The following KCNQ2 variants were observed in gnomAD, a reference collection of about 807,000 sequenced individuals.
The protein encoded by KCNQ2 is potassium voltage-gated channel subfamily Q member 2.
In KCNQ2, 14 loss-of-function variants were observed where a neutral mutation model predicts 84.8. The observed-to-expected ratio is 0.17, with a 90% CI of 0.11 to 0.26. The LOEUF is 0.26. Ranked by LOEUF, KCNQ2 falls within the 10% of genes least tolerant of loss-of-function variation. KCNQ2 has a pLI of 1.00. For synonymous variants in KCNQ2, 599 were observed against 554.1 expected (o/e 1.08, Z -1.14); for missense variants, 788 against 1,254.0 (o/e 0.63, Z 5.61).
Position 63,406,590 on chromosome 20 carries a change from C to T in KCNQ2, c.*54G>A. On this transcript the variant is annotated 3_prime_UTR_variant, in exon 17 of 17. Coordinates refer to ENST00000359125, the MANE Select transcript of KCNQ2 (RefSeq NM_172107.4). ...CCAGAGGGTTCCCGCCTCAAAACCT[C>T]GGAGGCACCGTGCTGAGGAGGGCCG... is the stretch of plus-strand genomic sequence containing the variant. The T allele has an allele frequency of 5.2e-6, 8 of 1,525,820 alleles. No individual in the cohort carries two copies. The highest frequency in any genetic ancestry group is 1.2e-5 in the South Asian group (1 of 80,422). The allele number at this position is 1,525,820 out of a possible 1,614,324, so 94.5% of individuals were successfully genotyped here.
Position 63,413,646 on chromosome 20 carries a change from C to T in KCNQ2, c.1632-65G>A, listed in dbSNP as rs535699299. 3.0e-4 allele frequency: 481 copies of T among 1,592,200 alleles called. 1 individual carries two copies. Among genetic ancestry groups the T allele is most frequent in the Non-Finnish European group, 3.9e-4 (455 of 1,162,636 alleles). ...GACCCCCGGCCACAGGCACCAGGAC[C>T]TTCCTAGCACCTCTGAGACCTCGGC... On this transcript the variant is annotated intron_variant, in intron 14 of 16. Coordinates refer to ENST00000359125, the MANE Select transcript of KCNQ2 (RefSeq NM_172107.4).
chr20:63,414,170 T>C lies in KCNQ2; in HGVS notation c.1549A>G (p.Ile517Val), dbSNP rs143844949. ...SEEASLPGED[I>V]VDDKSCPCEF... ...CAGGGGCAGCTCTTGTCATCCACAA[T>C]GTCCTCTCCGGGGAGGCTTGCTTCT... The change falls in exon 14 of 17, where the codon ATT becomes GTT. Residue 517 changes from isoleucine to valine, a missense_variant. This residue lies in a region of KCNQ2 where 202 missense variants were observed against 239.4 expected (regional missense o/e 0.84). Coordinates refer to ENST00000359125, the MANE Select transcript of KCNQ2 (RefSeq NM_172107.4). This position sits in a 1 kb window ranked among gnomAD's most constrained non-coding sequence, Gnocchi z 6.6. 4 of 1,613,398 alleles carry C rather than the reference T, an allele frequency of 2.5e-6. No homozygotes were observed. The East Asian group carries it at 8.9e-5, about 36-fold the overall frequency.
At chr20:63,433,251 GC>G (rs1369291689) in intron 8 of KCNQ2, among the ~76,000 whole-genome samples, 1 of 152,214 alleles carries the variant, frequency 6.6e-6, no homozygotes, top group African/African-American at 2.4e-5. Flanking sequence ...CTTCTCTGCT[GC>G]CCGAGGGGCT....
chr20:63,433,290 T>C (rs776242828), intron 8 of KCNQ2, among the ~76,000 whole-genome samples: 4 of 152,196 alleles, frequency 2.6e-5, no homozygotes, highest in Non-Finnish European at 5.9e-5. Flanking sequence ...CTCTGTCCTG[T>C]TGGGGAACAC....
At chr20:63,411,560 G>A (rs550953361) in intron 15 of KCNQ2, among the ~76,000 whole-genome samples, 1 of 152,236 alleles carries the variant, frequency 6.6e-6, no homozygotes, top group Admixed American at 6.5e-5. Flanking sequence ...GAGAGGAGCA[G>A]TGGGGCCCCT....
rs781344707 is a variant in KCNQ2 at position 63,414,059 on chromosome 20, C to T, written c.1631+29G>A. The T allele has an allele frequency of 3.8e-6, 6 of 1,563,202 alleles. No individual in the cohort carries two copies. In the Admixed American group the frequency reaches 1.0e-4, roughly 26 times the overall value. ...GAGCGGGAGGCCCCTCCTCACTCCC[C>T]CAGGCTCCCGGCTGGGCAGGGGCCT... On this transcript the variant is annotated intron_variant, in intron 14 of 16. Coordinates refer to ENST00000359125, the MANE Select transcript of KCNQ2 (RefSeq NM_172107.4). This position sits in a 1 kb window ranked among gnomAD's most constrained non-coding sequence, Gnocchi z 6.6.
intron 1 of KCNQ2, among the ~76,000 whole-genome samples, chr20:63,455,255 G>T (rs192470825): frequency 3.3e-4 from 51 of 152,328 alleles, no homozygotes; most frequent in Admixed American, 5.9e-4. Context: ...AACTTCCGGA[G>T]CTTCCCTGGC....
chr20:63,451,712 C>T (rs1394579053), intron 1 of KCNQ2, among the ~76,000 whole-genome samples: 2 of 151,972 alleles, frequency 1.3e-5, no homozygotes, highest in Non-Finnish European at 2.9e-5. Context: ...TGCCCGGACC[C>T]AGTCATCTCC....
intron 1 of KCNQ2, among the ~76,000 whole-genome samples, chr20:63,470,648 C>G (rs2082194143): frequency 6.6e-6 from 1 of 152,198 alleles, no homozygotes. Flanking sequence ...GGGGCGCTGG[C>G]CAGGCTGTCA....
intron 1 of KCNQ2, chr20:63,466,463 G>C (rs912001919): frequency 6.6e-6 from 1 of 152,276 alleles, no homozygotes; most frequent in Admixed American, 6.5e-5. Flanking sequence ...CGGAGGGGCA[G>C]AGCGACGCCG....
At chr20:63,443,412 CCATCACCACCATCAT>C in intron 4 of KCNQ2, among the ~76,000 whole-genome samples, 1 of 24,572 alleles carries the variant, frequency 4.1e-5, no homozygotes, top group Non-Finnish European at 1.1e-4. Context: ...ACCACCATCA[CCATCACCACCATCAT>C]CACCATCACC....
chr20:63,434,164 T>G, intron 7 of KCNQ2: 1 of 531,028 alleles, frequency 1.9e-6, no homozygotes, highest in Non-Finnish European at 3.3e-6. Flanking sequence ...CTCGGGGCCC[T>G]GAGCGAGCTC....
chr20:63,468,242 G>A (rs559605287), intron 1 of KCNQ2, among the ~76,000 whole-genome samples: 6 of 152,346 alleles, frequency 3.9e-5, no homozygotes, highest in African/African-American at 1.4e-4. Flanking sequence ...CTACACAGGA[G>A]GCTGTGGGAA....
intron 7 of KCNQ2, among the ~76,000 whole-genome samples, chr20:63,436,392 G>A (rs1317034829): frequency 6.6e-6 from 1 of 152,184 alleles, no homozygotes; most frequent in South Asian, 2.1e-4. Context: ...TTAGCCAGGC[G>A]TGGTGGTGGG....
intron 15 of KCNQ2, 128 bp downstream of exon 15, chr20:63,413,322 G>A (rs1340826781): frequency 2.9e-6 from 3 of 1,046,104 alleles, no homozygotes; most frequent in South Asian, 1.4e-5. Context: ...GCTGACAGAG[G>A]CCGACGTGGG....
intron 15 of KCNQ2, chr20:63,411,951 GC>G: frequency 1.4e-6 from 1 of 691,878 alleles, no homozygotes. Context: ...TGAGGAGCTG[GC>G]CAGGAACTGG....
At chr20:63,433,005 G>A (rs968161955) in intron 8 of KCNQ2, among the ~76,000 whole-genome samples, 3 of 152,208 alleles carry the variant, frequency 2.0e-5, no homozygotes, top group African/African-American at 7.2e-5. Flanking sequence ...GAGGGCGGGC[G>A]GGCAAGGTGG....
rs759258191 is a variant in KCNQ2, at chr20:63,406,951, G to A, written c.2312C>T (p.Thr771Ile). The part of the protein sequence containing the change: ...ASMEFLRQED[T>I]PGCRPPEGNL... Reference sequence around the variant, plus strand: ...CCCCTCGGGGGGCCTGCAGCCCGGGGTGTCCTCCTGCCGCAGGAACTCCAT... The same window carrying A: ...CCCCTCGGGGGGCCTGCAGCCCGGGATGTCCTCCTGCCGCAGGAACTCCAT... The change falls in exon 17 of 17, where the codon ACC becomes ATC. Residue 771 changes from threonine to isoleucine, a missense_variant. Coordinates refer to ENST00000359125, the MANE Select transcript of KCNQ2 (RefSeq NM_172107.4). 13 of 1,577,554 alleles carry A rather than the reference G, an allele frequency of 8.2e-6. No individual in the cohort carries two copies. The East Asian group carries it at 2.5e-4, about 31-fold the overall frequency.
intron 12 of KCNQ2, among the ~76,000 whole-genome samples, chr20:63,418,341 C>G (rs931666508): frequency 6.6e-6 from 1 of 152,340 alleles, no homozygotes; most frequent in Admixed American, 6.5e-5. Context: ...CGCGCCATCC[C>G]CACCCGGCCT....
Sources: gnomAD v4.1 joint callset for allele counts (sites outside exome capture counted in the v4.1 genomes callset) on GRCh38, gnomAD v4.1.1 for gene constraint, gnomAD v4.1.1 regional missense constraint, Gnocchi (gnomAD v3.1) non-coding constraint, MANE v1.5 for transcripts, NCBI Gene and HGNC (gene_info 2026-07-23, HGNC 2026-07-21) for gene names.